The following RBFOX1 variants were observed in gnomAD, a reference collection of about 807,000 sequenced individuals.
The protein encoded by RBFOX1 is RNA binding protein fox-1 homolog 1.
Under a neutral mutation model 57.7 loss-of-function variants are expected in RBFOX1, and 8 were observed. That is an observed-to-expected ratio of 0.14 (90% CI 0.08 to 0.25). The LOEUF (loss-of-function observed/expected upper bound fraction) is 0.25, where lower values mean the gene tolerates loss of function less well. RBFOX1 is among the 10% of genes least tolerant of loss of function. The pLI, the probability that RBFOX1 is intolerant of heterozygous loss-of-function variation, is 1.00. For synonymous variants in RBFOX1, 326 were observed against 222.4 expected (o/e 1.47, Z -4.15); for missense variants, 611 against 548.5 (o/e 1.11, Z -1.14).
At chr16:7,224,616 G>C (rs1253958933) in intron 4 of RBFOX1, among the ~76,000 whole-genome samples, 1 of 152,136 alleles carries the variant, frequency 6.6e-6, no homozygotes, top group Admixed American at 6.6e-5. Flanking sequence ...GGTGGGTTAG[G>C]GGGAGGTAAT....
At chr16:7,335,550 C>A (rs1032906808) in intron 4 of RBFOX1, among the ~76,000 whole-genome samples, 1 of 144,602 alleles carries the variant, frequency 6.9e-6, no homozygotes, top group Admixed American at 7.4e-5. Flanking sequence ...AAAATTCAGA[C>A]CAGCATCGCC....
At chr16:6,009,784 A>G (rs1340485578) in intron 4 of RBFOX1, among the ~76,000 whole-genome samples, 2 of 117,050 alleles carry the variant, frequency 1.7e-5, no homozygotes. Context: ...AACATCTGTG[A>G]CATGGGGCAG....
intron 4 of RBFOX1, among the ~76,000 whole-genome samples, chr16:7,420,928 CATATATAT>C (rs745471660): frequency 4.6e-4 from 68 of 146,330 alleles, no homozygotes; most frequent in African/African-American, 1.6e-3. Flanking sequence ...TATATATACA[CATATATAT>C]ATACACACAC....
At chr16:6,724,832 C>A (rs1440864839) in intron 3 of RBFOX1, among the ~76,000 whole-genome samples, 1 of 151,972 alleles carries the variant, frequency 6.6e-6, no homozygotes, top group Non-Finnish European at 1.5e-5. Context: ...ACCTATCAAC[C>A]CATCACCTAG....
At chr16:6,761,535 T>A (rs1306881716) in intron 3 of RBFOX1, among the ~76,000 whole-genome samples, 1 of 87,280 alleles carries the variant, frequency 1.1e-5, no homozygotes, top group African/African-American at 4.1e-5. Flanking sequence ...TGAGACAGAG[T>A]CTTGCTCTGT....
intron 4 of RBFOX1, among the ~76,000 whole-genome samples, chr16:5,903,371 C>T (rs1336345084): frequency 6.6e-6 from 1 of 152,154 alleles, no homozygotes; most frequent in Non-Finnish European, 1.5e-5. Flanking sequence ...GCCTATTCTT[C>T]CTGACACTTC....
chr16:7,617,812 T>TAA (rs2058700790), intron 10 of RBFOX1, among the ~76,000 whole-genome samples: 1 of 152,138 alleles, frequency 6.6e-6, no homozygotes, highest in Non-Finnish European at 1.5e-5. Context: ...TACACAGTGA[T>TAA]ACCTGCTAGA....
chr16:7,164,748 G>C (rs1397094688), intron 4 of RBFOX1, among the ~76,000 whole-genome samples: 1 of 152,118 alleles, frequency 6.6e-6, no homozygotes, highest in South Asian at 2.1e-4. Flanking sequence ...TGTTAAGGTG[G>C]TATTATAATT....
At chr16:6,311,868 C>T (rs985773121) in intron 1 of RBFOX1, among the ~76,000 whole-genome samples, 3 of 152,170 alleles carry the variant, frequency 2.0e-5, no homozygotes, top group African/African-American at 7.2e-5. Flanking sequence ...ACTAACCTCT[C>T]TACCACCAGG....
intron 4 of RBFOX1, among the ~76,000 whole-genome samples, chr16:7,245,874 T>A (rs556185121): frequency 6.6e-6 from 1 of 152,206 alleles, no homozygotes; most frequent in Admixed American, 6.5e-5. Flanking sequence ...TTATCTAATT[T>A]AATCCCTACA....
intron 4 of RBFOX1, among the ~76,000 whole-genome samples, chr16:5,974,518 G>C (rs1295028683): frequency 6.6e-6 from 1 of 152,146 alleles, no homozygotes; most frequent in African/African-American, 2.4e-5. Context: ...GCTGAGGCAG[G>C]AGAATCACTC....
intron 2 of RBFOX1, among the ~76,000 whole-genome samples, chr16:6,467,444 G>T (rs979987835): frequency 4.6e-5 from 7 of 152,000 alleles, no homozygotes; most frequent in Non-Finnish European, 1.0e-4. Context: ...ATATATTTAT[G>T]TCCAGGCAAG....
chr16:7,428,494 TTTATTATTATTA>T lies in RBFOX1; in HGVS notation c.28-89617_28-89606del, dbSNP rs71147697. Among the ~76,000 whole-genome samples, 987 of 128,698 alleles carry T rather than the reference TTTATTATTATTA, an allele frequency of 7.7e-3. 5 individuals are homozygous for T. Among genetic ancestry groups the T allele is most frequent in the African/African-American group, 0.014 (491 of 34,246 alleles). 84.4% of individuals were successfully genotyped at this position (128,698 alleles called of 152,430 possible). Reference sequence around the variant, plus strand: ...GGCATCCACTACCACTCCTGGCTATTTTATTATTATTATTATTATTATTATTATTATTATTAT... The same window carrying T: ...GGCATCCACTACCACTCCTGGCTATTTTATTATTATTATTATTATTATTAT... On this transcript the variant is annotated intron_variant, in intron 4 of 15. Transcript: ENST00000550418.
At chr16:5,455,019 CT>C (rs750024710) in intron 1 of RBFOX1, among the ~76,000 whole-genome samples, 47 of 115,600 alleles carry the variant, frequency 4.1e-4, no homozygotes, top group African/African-American at 8.3e-4. Flanking sequence ...TTCTTTCTTT[CT>C]TTCTCTCTCT....
chr16:6,110,784 C>G (rs1456501227), intron 1 of RBFOX1, among the ~76,000 whole-genome samples: 3 of 152,162 alleles, frequency 2.0e-5, no homozygotes, highest in African/African-American at 4.8e-5. Context: ...ACCTATTTCA[C>G]TGCTGCAACC....
chr16:6,131,959 T>TA (rs1475645690), intron 1 of RBFOX1, among the ~76,000 whole-genome samples: 1 of 152,208 alleles, frequency 6.6e-6, no homozygotes, highest in Non-Finnish European at 1.5e-5. Flanking sequence ...AAGCTTTGCT[T>TA]AAAACTGATC....
intron 1 of RBFOX1, among the ~76,000 whole-genome samples, chr16:6,164,942 A>C (rs960863933): frequency 6.6e-6 from 1 of 152,084 alleles, no homozygotes; most frequent in African/African-American, 2.4e-5. Context: ...GTTTGGGGGG[A>C]AAGTGTGCAG....
chr16:7,614,770 G>T (rs949664579), intron 10 of RBFOX1: 5 of 152,258 alleles, frequency 3.3e-5, no homozygotes, highest in South Asian at 4.1e-4. Flanking sequence ...TACTTGCTCT[G>T]TGCTGAACAC....
At chr16:6,362,907 C>T (rs1281541750) in intron 2 of RBFOX1, among the ~76,000 whole-genome samples, 1 of 152,160 alleles carries the variant, frequency 6.6e-6, no homozygotes, top group Non-Finnish European at 1.5e-5. Context: ...TTGAATGTTG[C>T]TTGGTCCCCC....
Sources: gnomAD v4.1 joint callset for allele counts (sites outside exome capture counted in the v4.1 genomes callset) on GRCh38, gnomAD v4.1.1 for gene constraint, MANE v1.5 for transcripts, NCBI Gene and HGNC (gene_info 2026-07-23, HGNC 2026-07-21) for gene names.